The following E2F3 variants were observed in gnomAD, a reference collection of about 807,000 sequenced individuals.
E2F3 encodes the protein transcription factor E2F3.
In E2F3, 11 loss-of-function variants were observed where a neutral mutation model predicts 44.4. The ratio of observed to expected loss-of-function variants is 0.25; its 90% confidence interval spans 0.16 to 0.41. The LOEUF (loss-of-function observed/expected upper bound fraction) is 0.41, where lower values mean the gene tolerates loss of function less well. E2F3 is among the 10% of genes least tolerant of loss of function. E2F3 has a pLI of 1.00. For synonymous variants in E2F3, 249 were observed against 253.0 expected (o/e 0.98, Z 0.15); for missense variants, 487 against 583.6 (o/e 0.83, Z 1.70).
rs1313656749 is a variant in E2F3 at position 20,488,258 on chromosome 6, C to A, written c.1135+10C>A. The stretch of plus-strand genomic sequence containing the variant: ...AAACCCGCTTCCAAAGGTAAAAACT[C>A]CACTTTTGTCTTTTAGAAACTATGT... On this transcript the variant is annotated intron_variant, in intron 6 of 6. Transcript: ENST00000346618. The A allele has an allele frequency of 2.5e-6, 4 of 1,575,134 alleles. No individual in the cohort carries two copies. The highest frequency in any genetic ancestry group is 2.8e-5 in the African/African-American group (2 of 72,510).
At chr6:20,417,007 C>T (rs901474651) in intron 1 of E2F3, among the ~76,000 whole-genome samples, 3 of 152,158 alleles carry the variant, frequency 2.0e-5, no homozygotes, top group African/African-American at 7.2e-5. Context: ...GCCTGATATA[C>T]AAGGAAGTTG....
intron 1 of E2F3, among the ~76,000 whole-genome samples, chr6:20,422,151 A>G (rs1386627319): frequency 1.3e-5 from 2 of 152,190 alleles, no homozygotes; most frequent in Admixed American, 1.3e-4. Context: ...GATCTTCTGA[A>G]TAACTTGCTG....
chr6:20,415,223 G>A (rs1418540221), intron 1 of E2F3, among the ~76,000 whole-genome samples: 1 of 152,204 alleles, frequency 6.6e-6, no homozygotes, highest in East Asian at 1.9e-4. Flanking sequence ...GAGACAGGGA[G>A]ACGACACATT....
chr6:20,427,205 A>C (rs138998221), intron 1 of E2F3, among the ~76,000 whole-genome samples: 1 of 152,182 alleles, frequency 6.6e-6, no homozygotes, highest in Non-Finnish European at 1.5e-5. Context: ...ATTTCTTATC[A>C]TATAATGGGA....
At position 20,402,770 on chromosome 6, in the gene E2F3, C is replaced by T; in HGVS notation, c.393+145C>T. 4 of 1,243,782 alleles carry T rather than the reference C, an allele frequency of 3.2e-6. No homozygotes were observed. The South Asian group carries it at 1.3e-4, about 41-fold the overall frequency. 77.0% of individuals were successfully genotyped at this position (1,243,782 alleles called of 1,614,324 possible). ...GGGGGCTGCCCCTCCAACGAGGGTT[C>T]ATTGTTAGACCTGAGTGCTCTTCCC... On this transcript the variant is annotated intron_variant, in intron 1 of 6. Transcript: ENST00000346618. The surrounding 1 kb of genome is among the most constrained non-coding windows in gnomAD (Gnocchi z 5.6).
At chr6:20,416,972 C>G (rs960824502) in intron 1 of E2F3, among the ~76,000 whole-genome samples, 2 of 152,154 alleles carry the variant, frequency 1.3e-5, no homozygotes, top group African/African-American at 4.8e-5. Context: ...AACAGAAATT[C>G]TTAGCCTTCC....
At chr6:20,424,209 G>GA (rs1760124954) in intron 1 of E2F3, among the ~76,000 whole-genome samples, 1 of 115,680 alleles carries the variant, frequency 8.6e-6, no homozygotes, top group African/African-American at 4.0e-5. Flanking sequence ...CTCAGTGGAA[G>GA]GGTGTGTGTG....
rs992853187 is a variant in E2F3, at chr6:20,491,124, G to A, written c.*694G>A. 3 of 232,086 alleles carry A rather than the reference G, an allele frequency of 1.3e-5. No homozygotes were observed. The highest frequency in any genetic ancestry group is 6.6e-5 in the African/African-American group (3 of 45,264). The allele number at this position is 232,086 out of a possible 1,614,324, so 14.4% of individuals were successfully genotyped here. Reference sequence around the variant, plus strand: ...TAGAGTTCTGCCACTCTAAGCTGTTGTGGATTTTCCTGTCTCCATGAACCA... The same window carrying A: ...TAGAGTTCTGCCACTCTAAGCTGTTATGGATTTTCCTGTCTCCATGAACCA... On this transcript the variant is annotated 3_prime_UTR_variant, in exon 7 of 7. Coordinates refer to ENST00000346618, the MANE Select transcript of E2F3 (RefSeq NM_001949.5).
At chr6:20,418,248 A>G (rs571576162) in intron 1 of E2F3, among the ~76,000 whole-genome samples, 2 of 152,360 alleles carry the variant, frequency 1.3e-5, no homozygotes, top group Non-Finnish European at 2.9e-5. Flanking sequence ...AGCGCTGTCC[A>G]TATAGTCGAG....
Position 20,401,996 on chromosome 6 carries a change from C to A in E2F3, c.-237C>A. 1 of 615,488 alleles carries A rather than the reference C, an allele frequency of 1.6e-6. No homozygotes were observed. The highest frequency in any genetic ancestry group is 2.4e-6 in the Non-Finnish European group (1 of 414,522). 38.1% of individuals were successfully genotyped at this position (615,488 alleles called of 1,614,324 possible). On this transcript the variant is annotated 5_prime_UTR_variant, in exon 1 of 7. Coordinates refer to ENST00000346618, the MANE Select transcript of E2F3 (RefSeq NM_001949.5). The stretch of plus-strand genomic sequence containing the variant: ...GCCGCCCCCGACGCCTCCATCCCCG[C>A]TTGGGGCCCGATATCCGTGCGGCCG...
At chr6:20,412,668 C>T (rs1759714641) in intron 1 of E2F3, among the ~76,000 whole-genome samples, 3 of 152,106 alleles carry the variant, frequency 2.0e-5, no homozygotes, top group South Asian at 4.1e-4. Context: ...AAAGAAGAAA[C>T]GTACTATCAA....
intron 1 of E2F3, among the ~76,000 whole-genome samples, chr6:20,465,856 C>T (rs979874612): frequency 6.6e-6 from 1 of 152,240 alleles, no homozygotes; most frequent in East Asian, 1.9e-4. Flanking sequence ...GATTGATGGG[C>T]ATTTGGGTTG....
At chr6:20,486,304 G>A (rs745599545) in intron 4 of E2F3, among the ~76,000 whole-genome samples, 13 of 152,144 alleles carry the variant, frequency 8.5e-5, no homozygotes, top group Admixed American at 1.3e-4. Flanking sequence ...AAGGAGTCTC[G>A]CTCTGTCGCC....
intron 1 of E2F3, chr6:20,445,247 CTT>C (rs397791188): frequency 1.8e-3 from 1,105 of 597,638 alleles, no homozygotes; most frequent in Non-Finnish European, 2.1e-3. Flanking sequence ...TATTTTCTCC[CTT>C]TTTTTTTTTT....
intron 1 of E2F3, among the ~76,000 whole-genome samples, chr6:20,441,178 C>T (rs1439546262): frequency 6.6e-6 from 1 of 152,190 alleles, no homozygotes; most frequent in Non-Finnish European, 1.5e-5. Context: ...TCCCTCTAGT[C>T]CCTGGTAAGC....
intron 4 of E2F3, among the ~76,000 whole-genome samples, chr6:20,486,342 G>A (rs923621636): frequency 2.6e-5 from 4 of 152,140 alleles, no homozygotes; most frequent in Non-Finnish European, 5.9e-5. Flanking sequence ...GCGCGATCTC[G>A]TCTCACTGCA....
chr6:20,443,726 A>G (rs1760848423), intron 1 of E2F3, among the ~76,000 whole-genome samples: 1 of 152,066 alleles, frequency 6.6e-6, no homozygotes, highest in Non-Finnish European at 1.5e-5. Flanking sequence ...CCCCCAATTT[A>G]TCTTCACCCC....
Position 20,490,785 on chromosome 6 carries a change from G to T in E2F3, c.*355G>T. ...TGCTGTGCCTGACGGATGGGCTGTA[G>T]AATGGGGTCTGGCCACCTGGCCTGC... On this transcript the variant is annotated 3_prime_UTR_variant, in exon 7 of 7. Transcript: ENST00000346618. This position sits in a 1 kb window ranked among gnomAD's most constrained non-coding sequence, Gnocchi z 4.3. The T allele has an allele frequency of 4.2e-6, 1 of 239,508 alleles. No individual in the cohort carries two copies. The highest frequency in any genetic ancestry group is 8.1e-6 in the Non-Finnish European group (1 of 122,940). The allele number at this position is 239,508 out of a possible 1,614,324, so 14.8% of individuals were successfully genotyped here.
intron 4 of E2F3, among the ~76,000 whole-genome samples, chr6:20,485,102 T>C (rs1762348699): frequency 6.6e-6 from 1 of 152,142 alleles, no homozygotes; most frequent in Non-Finnish European, 1.5e-5. Flanking sequence ...ATGCCTTCAT[T>C]GGTTTGTTAC....
Sources: allele counts gnomAD v4.1 joint callset (sites outside exome capture counted in the v4.1 genomes callset), GRCh38; gene constraint gnomAD v4.1.1; non-coding constraint Gnocchi (gnomAD v3.1); transcripts MANE v1.5; gene names NCBI Gene and HGNC (gene_info 2026-07-23, HGNC 2026-07-21).